The following CD81 variants were observed in gnomAD, a reference collection of about 807,000 sequenced individuals.
The protein encoded by CD81 is CD81 antigen.
In CD81, 10 loss-of-function variants were observed where a neutral mutation model predicts 30.1. The observed-to-expected ratio is 0.33, with a 90% CI of 0.21 to 0.56. CD81 has a LOEUF of 0.56. Among genes scored for constraint, CD81 ranks in the 20% least tolerant of loss-of-function variants. CD81 has a pLI of 0.89. For synonymous variants in CD81, 147 were observed against 126.4 expected (o/e 1.16, Z -1.10); for missense variants, 263 against 308.7 (o/e 0.85, Z 1.11).
In CD81 at chr11:2,396,947, G is replaced by A. The variant is rs1850022685; in HGVS notation, c.*81G>A. On this transcript the variant is annotated 3_prime_UTR_variant, in exon 8 of 8. Transcript: ENST00000263645. ...ACTTCCGAGGGGGCCATCACCGCCT[G>A]TGTATATAACGTTTCCGGTATTACT... is the stretch of plus-strand genomic sequence containing the variant. 4 of 1,318,684 alleles carry A rather than the reference G, an allele frequency of 3.0e-6. No homozygotes were observed. Among genetic ancestry groups the A allele is most frequent in the African/African-American group, 1.5e-5 (1 of 68,794 alleles). 81.7% of individuals were successfully genotyped at this position (1,318,684 alleles called of 1,614,324 possible).
At position 2,377,717 on chromosome 11, in the gene CD81, C is replaced by A; in HGVS notation, c.66+102C>A. 1.5e-6 allele frequency: 1 copy of A among 667,326 alleles called. No homozygotes were observed. The highest frequency in any genetic ancestry group is 2.2e-6 in the Non-Finnish European group (1 of 459,474). The allele number at this position is 667,326 out of a possible 1,614,324, so 41.3% of individuals were successfully genotyped here. A position where few individuals can be genotyped will look rare whatever the true frequency, so the allele number is the denominator to read the frequency against. Reference sequence around the variant, plus strand: ...CTAGGCCCCGCGGGCGCAGCGCGGGCCGCGAAGTTGTGGGGCCACCTGTGG... The same window carrying A: ...CTAGGCCCCGCGGGCGCAGCGCGGGACGCGAAGTTGTGGGGCCACCTGTGG... On this transcript the variant is annotated intron_variant, in intron 1 of 7. Transcript: ENST00000263645. The surrounding 1 kb of genome is among the most constrained non-coding windows in gnomAD (Gnocchi z 7.7).
intron 2 of CD81, chr11:2,393,571 GC>G (rs34771065): frequency 0.042 from 16,002 of 383,530 alleles, 1,445 homozygotes; most frequent in African/African-American, 0.23. Flanking sequence ...AGCCAGCAGG[GC>G]CCCCCCACCC....
At chr11:2,393,855 G>T in intron 2 of CD81, 1 of 677,324 alleles carries the variant, frequency 1.5e-6, no homozygotes, top group Non-Finnish European at 2.7e-6. Context: ...CTCATGAGGT[G>T]CCCAGTCCCC....
At chr11:2,386,005 T>C in intron 1 of CD81, 1 of 712,608 alleles carries the variant, frequency 1.4e-6, no homozygotes, top group Non-Finnish European at 2.6e-6. Flanking sequence ...TTATTCAAGG[T>C]GGCTGGACCG....
chr11:2,389,474 A>C (rs780249971), intron 1 of CD81, among the ~76,000 whole-genome samples: 1 of 152,062 alleles, frequency 6.6e-6, no homozygotes, highest in African/African-American at 2.4e-5. Flanking sequence ...TCAGATGATC[A>C]GAGTGGGCTG....
intron 2 of CD81, chr11:2,393,612 T>G: frequency 2.0e-5 from 10 of 495,400 alleles, no homozygotes; most frequent in East Asian, 1.0e-4. Flanking sequence ...GGAGGCAGCA[T>G]TGGTTCCAGT....
intron 1 of CD81, among the ~76,000 whole-genome samples, chr11:2,381,893 A>G (rs747421212): frequency 1.3e-5 from 2 of 152,256 alleles, no homozygotes; most frequent in Non-Finnish European, 2.9e-5. Flanking sequence ...TGTAGGACAC[A>G]GTGGTACCTG....
Position 2,378,664 on chromosome 11 carries a change from G to GCGGCCTCCCCGTGGCCA in CD81, c.66+1052_66+1068dup, listed in dbSNP as rs1564987985. Among the ~76,000 whole-genome samples the GCGGCCTCCCCGTGGCCA allele has an allele frequency of 6.6e-6, 1 of 152,180 alleles. No homozygotes were observed. Among genetic ancestry groups the GCGGCCTCCCCGTGGCCA allele is most frequent in the African/African-American group, 2.4e-5 (1 of 41,448 alleles). On this transcript the variant is annotated intron_variant, in intron 1 of 7. Coordinates refer to ENST00000263645, the MANE Select transcript of CD81 (RefSeq NM_004356.4). This position sits in a 1 kb window ranked among gnomAD's most constrained non-coding sequence, Gnocchi z 4.9. Reference sequence around the variant, plus strand: ...AGGACTGGAGTGGGTGTCCATGGCCGCGGCCTCCCCGTGGCCACGCCCCTG... The same window carrying GCGGCCTCCCCGTGGCCA: ...AGGACTGGAGTGGGTGTCCATGGCCGCGGCCTCCCCGTGGCCACGGCCTCCCCGTGGCCACGCCCCTG...
intron 1 of CD81, among the ~76,000 whole-genome samples, chr11:2,380,116 C>T (rs1589845023): frequency 1.3e-5 from 2 of 152,102 alleles, no homozygotes; most frequent in South Asian, 2.1e-4. Context: ...GGGCTCAGGG[C>T]GTGGGTGTTG....
At chr11:2,390,633 C>T (rs1037070551) in intron 2 of CD81, 107 bp downstream of exon 2, 32 of 821,574 alleles carry the variant, frequency 3.9e-5, no homozygotes, top group South Asian at 1.4e-4. Context: ...TCGGGCATGG[C>T]GTGTCCGGGC....
intron 2 of CD81, chr11:2,393,802 A>G (rs900094458): frequency 1.6e-6 from 1 of 620,642 alleles, no homozygotes; most frequent in Non-Finnish European, 2.9e-6. Flanking sequence ...GCCCCACCGC[A>G]GGTGTCATCC....
rs1849636483 is a variant in CD81 at position 2,378,299 on chromosome 11, C to G, written c.66+684C>G. On this transcript the variant is annotated intron_variant, in intron 1 of 7. Transcript: ENST00000263645. This position sits in a 1 kb window ranked among gnomAD's most constrained non-coding sequence, Gnocchi z 4.9. ...TGGGAGCCGATCTCCCTCTCCTCAC[C>G]CAGACACGTTCCAGCGGAGGCCTCC... 6.6e-6 allele frequency among the ~76,000 whole-genome samples: 1 copy of G among 152,158 alleles called. No homozygotes were observed. Among genetic ancestry groups the G allele is most frequent in the Admixed American group, 6.5e-5 (1 of 15,288 alleles).
intron 1 of CD81, among the ~76,000 whole-genome samples, chr11:2,389,878 C>G (rs1184740553): frequency 6.6e-6 from 1 of 152,094 alleles, no homozygotes; most frequent in Non-Finnish European, 1.5e-5. Context: ...CTCAGCACCC[C>G]CAGACAGAAG....
Position 2,397,002 on chromosome 11 carries a change from GTTT to G in CD81, c.*138_*140del. On this transcript the variant is annotated 3_prime_UTR_variant, in exon 8 of 8. Transcript: ENST00000263645. ...TACACGTAGCCTTTTTACTTTTGGG[GTTT>G]TGTTTTTGTTCTGAACTTTCCTGTT... 1.1e-6 allele frequency: 1 copy of G among 887,040 alleles called. No homozygotes were observed. 54.9% of individuals were successfully genotyped at this position (887,040 alleles called of 1,614,324 possible). A position where few individuals can be genotyped will look rare whatever the true frequency, so the allele number is the denominator to read the frequency against.
Position 2,396,964 on chromosome 11 carries a change from G to A in CD81, c.*98G>A, listed in dbSNP as rs1210795616. On this transcript the variant is annotated 3_prime_UTR_variant, in exon 8 of 8. Coordinates refer to ENST00000263645, the MANE Select transcript of CD81 (RefSeq NM_004356.4). ...CACCGCCTGTGTATATAACGTTTCCGGTATTACTCTGCTACACGTAGCCTT... is the reference window on the plus strand; with the variant it reads ...CACCGCCTGTGTATATAACGTTTCCAGTATTACTCTGCTACACGTAGCCTT... 1.7e-5 allele frequency: 19 copies of A among 1,122,966 alleles called. No homozygotes were observed. The East Asian group carries it at 2.5e-4, about 15-fold the overall frequency. 69.6% of individuals were successfully genotyped at this position (1,122,966 alleles called of 1,614,324 possible).
chr11:2,386,330 T>C, intron 1 of CD81: 1 of 624,202 alleles, frequency 1.6e-6, no homozygotes. Flanking sequence ...GCCCCAGGTC[T>C]TTCGGAGAGC....
intron 1 of CD81, chr11:2,379,120 G>T: frequency 2.2e-6 from 1 of 455,760 alleles, no homozygotes; most frequent in South Asian, 1.5e-5. Flanking sequence ...TTGCTTAGTG[G>T]TGGCCTGCTT....
Position 2,396,979 on chromosome 11 carries a change from C to A in CD81, c.*113C>A. 1 of 998,230 alleles carries A rather than the reference C, an allele frequency of 1.0e-6. No homozygotes were observed. The highest frequency in any genetic ancestry group is 1.5e-6 in the Non-Finnish European group (1 of 651,358). 61.8% of individuals were successfully genotyped at this position (998,230 alleles called of 1,614,324 possible). A position where few individuals can be genotyped will look rare whatever the true frequency, so the allele number is the denominator to read the frequency against. On this transcript the variant is annotated 3_prime_UTR_variant, in exon 8 of 8. Coordinates refer to ENST00000263645, the MANE Select transcript of CD81 (RefSeq NM_004356.4). ...TAACGTTTCCGGTATTACTCTGCTA[C>A]ACGTAGCCTTTTTACTTTTGGGGTT... is the stretch of plus-strand genomic sequence containing the variant.
intron 2 of CD81, chr11:2,391,943 T>G (rs951022269): frequency 6.6e-6 from 1 of 152,188 alleles, no homozygotes; most frequent in Non-Finnish European, 1.5e-5. Flanking sequence ...TCCCAGATCA[T>G]TAGGATATTT....
Sources: allele counts gnomAD v4.1 joint callset (sites outside exome capture counted in the v4.1 genomes callset), GRCh38; gene constraint gnomAD v4.1.1; non-coding constraint Gnocchi (gnomAD v3.1); transcripts MANE v1.5; gene names NCBI Gene and HGNC (gene_info 2026-07-23, HGNC 2026-07-21).